CSNK1E: variants seen among roughly 807,000 people sequenced by gnomAD.
CSNK1E encodes casein kinase 1 epsilon, also known as casein kinase I isoform epsilon.
Under a neutral mutation model 46.1 loss-of-function variants are expected in CSNK1E, and 17 were observed. The observed-to-expected ratio is 0.37, with a 90% confidence interval of 0.25 to 0.55. The LOEUF is 0.55. Ranked by LOEUF, CSNK1E falls within the 20% of genes least tolerant of loss-of-function variation. The pLI is 0.82. For missense variants in CSNK1E, 386 were observed against 595.4 expected (o/e 0.65, Z 3.66); for synonymous variants, 241 against 242.6 (o/e 0.99, Z 0.06).
chr22:38,313,816 G>A (rs967340824), intron 2 of CSNK1E, among the ~76,000 whole-genome samples: 13 of 152,204 alleles, frequency 8.5e-5, no homozygotes, highest in African/African-American at 2.4e-4. Flanking sequence ...CAGCTGACCC[G>A]GGACACTGAG....
chr22:38,305,223 G>A (rs1426829567), intron 2 of CSNK1E, among the ~76,000 whole-genome samples: 4 of 149,272 alleles, frequency 2.7e-5, no homozygotes, highest in Non-Finnish European at 1.5e-5. Flanking sequence ...ATTTAAACAC[G>A]AAAGAAAGGA....
rs1555908149 is a variant in CSNK1E at position 38,302,983 on chromosome 22, C to T, written c.214G>A (p.Gly72Arg). The T allele has an allele frequency of 6.2e-7, 1 of 1,614,058 alleles. No individual in the cohort carries two copies. The highest frequency in any genetic ancestry group is 8.5e-7 in the Non-Finnish European group (1 of 1,180,012). ...ATCACGTTGTAGTCGCCCTCAGCTC[C>T]GCACCACTTGATGGACGGGATCCCC... ...GVGIPSIKWC[G>R]AEGDYNVMVM... Residue 72 changes from glycine to arginine, a missense_variant, in exon 4 of 11, where the codon GGA (glycine) becomes AGA (arginine). Coordinates refer to ENST00000396832, the MANE Select transcript of CSNK1E (RefSeq NM_152221.3).
chr22:38,305,841 C>T (rs368680148), intron 2 of CSNK1E, among the ~76,000 whole-genome samples: 2 of 152,234 alleles, frequency 1.3e-5, no homozygotes, highest in East Asian at 1.9e-4. Context: ...GCGTCAACTG[C>T]TGAGTCGCCA....
chr22:38,300,943 T>C lies in CSNK1E; in HGVS notation c.346A>G (p.Ile116Val), dbSNP rs2092668704. The change falls in exon 5 of 11, where the codon ATC (isoleucine) becomes GTC (valine). Residue 116 changes from isoleucine (I) to valine (V), a missense_variant. Transcript: ENST00000396832. The surrounding 1 kb of genome is among the most constrained non-coding windows in gnomAD (Gnocchi z 4.4). ...AAGTTCTTGGAGTGGATATACTCGATGCGGCTGATCTGGGGAGGAGGGGGG... is the reference window on the plus strand; with the variant it reads ...AAGTTCTTGGAGTGGATATACTCGACGCGGCTGATCTGGGGAGGAGGGGGG... ...LLLADQMISR[I>V]EYIHSKNFIH... 6.2e-7 allele frequency: 1 copy of C among 1,613,864 alleles called. No homozygotes were observed.
chr22:38,292,177 G>C (rs1326989583), intron 10 of CSNK1E: 1 of 151,948 alleles, frequency 6.6e-6, no homozygotes, highest in African/African-American at 2.4e-5. Context: ...AGTAGAGATG[G>C]GTTTTCACCA....
chr22:38,311,213 G>A (rs1342709458), intron 2 of CSNK1E, among the ~76,000 whole-genome samples: 2 of 152,112 alleles, frequency 1.3e-5, no homozygotes, highest in African/African-American at 4.8e-5. Flanking sequence ...TACTTTGCAC[G>A]ACCCCATTTT....
At chr22:38,296,682 C>T (rs1272826715) in intron 7 of CSNK1E, 1 of 1,612,002 alleles carries the variant, frequency 6.2e-7, no homozygotes, top group South Asian at 1.1e-5. Context: ...AGAGGTGCTC[C>T]TGGCCTGGTT....
chr22:38,306,113 T>C (rs1307417558), intron 2 of CSNK1E, among the ~76,000 whole-genome samples: 1 of 152,158 alleles, frequency 6.6e-6, no homozygotes. Context: ...ATCTCCAAGA[T>C]ACAGGAAGTG....
At chr22:38,316,598 C>G (rs1479874307) in intron 1 of CSNK1E, 1 of 152,250 alleles carries the variant, frequency 6.6e-6, no homozygotes, top group Non-Finnish European at 1.5e-5. Flanking sequence ...ACAAATAACC[C>G]CCACCCCTTT....
chr22:38,312,405 C>T (rs1460575284), intron 2 of CSNK1E, among the ~76,000 whole-genome samples: 1 of 152,196 alleles, frequency 6.6e-6, no homozygotes, highest in Non-Finnish European at 1.5e-5. Context: ...CGGCATTTTT[C>T]TATTCTGCTG....
chr22:38,316,246 T>C (rs762361781), intron 1 of CSNK1E, among the ~76,000 whole-genome samples: 9 of 152,312 alleles, frequency 5.9e-5, no homozygotes, highest in Non-Finnish European at 1.2e-4. Context: ...CGCCTACCCC[T>C]GAGCCGGGGC....
At chr22:38,301,186 A>G (rs1205946888) in intron 4 of CSNK1E, among the ~76,000 whole-genome samples, 1 of 152,240 alleles carries the variant, frequency 6.6e-6, no homozygotes, top group Non-Finnish European at 1.5e-5. Flanking sequence ...AGAGTATTGC[A>G]GGAAAGCTAA....
chr22:38,301,169 GAGAA>G (rs1052123964), intron 4 of CSNK1E, among the ~76,000 whole-genome samples: 4 of 152,204 alleles, frequency 2.6e-5, no homozygotes, highest in Non-Finnish European at 4.4e-5. Flanking sequence ...CTGTGAGACA[GAGAA>G]AGAGAGTATT....
intron 1 of CSNK1E, among the ~76,000 whole-genome samples, chr22:38,315,896 A>G (rs2092743038): frequency 6.6e-6 from 1 of 152,004 alleles, no homozygotes; most frequent in African/African-American, 2.4e-5. Context: ...CGAGAGCGGG[A>G]AGGGGCAAGC....
At chr22:38,312,261 A>G (rs135762) in intron 2 of CSNK1E, among the ~76,000 whole-genome samples, 138,960 of 152,312 alleles carry the variant, frequency 0.91, 63,461 homozygotes, top group African/African-American at 0.95. Context: ...GCTACTTTTT[A>G]TATTTTTCTT....
Position 38,293,132 on chromosome 22 carries a change from G to T in CSNK1E, c.*32+123C>A. 1.4e-5 allele frequency: 11 copies of T among 802,104 alleles called. No homozygotes were observed. The South Asian group carries it at 1.4e-4, about 10-fold the overall frequency. 49.7% of individuals were successfully genotyped at this position (802,104 alleles called of 1,614,324 possible). On this transcript the variant is annotated intron_variant, in intron 10 of 10. Coordinates refer to ENST00000396832, the MANE Select transcript of CSNK1E (RefSeq NM_152221.3). ...TTGAGGCCCCTTAGAGTTCTGGGGC[G>T]CCTGGTACCATCTGCCACTGCCACT... is the stretch of plus-strand genomic sequence containing the variant.
chr22:38,316,176 TTA>T (rs1430026109), intron 1 of CSNK1E, among the ~76,000 whole-genome samples: 1 of 152,018 alleles, frequency 6.6e-6, no homozygotes, highest in Non-Finnish European at 1.5e-5. Flanking sequence ...GTTAAAAAAA[TTA>T]GACAAACTAC....
chr22:38,293,001 C>G, intron 10 of CSNK1E: 1 of 525,848 alleles, frequency 1.9e-6, no homozygotes. Context: ...GAGACCTGGC[C>G]GAGGGCAGAA....
Position 38,298,259 on chromosome 22 carries a change from G to A in CSNK1E, c.885+527C>T. 32 of 1,269,630 alleles carry A rather than the reference G, an allele frequency of 2.5e-5. No homozygotes were observed. Among genetic ancestry groups the A allele is most frequent in the Non-Finnish European group, 3.3e-5 (32 of 965,418 alleles). The allele number at this position is 1,269,630 out of a possible 1,614,324, so 78.6% of individuals were successfully genotyped here. A position where few individuals can be genotyped will look rare whatever the true frequency, so the allele number is the denominator to read the frequency against. Reference sequence around the variant, plus strand: ...ACAATTTCACAGATTCCAGAGCTCTGGGTACGGCCGGCCAATGCTGCTCCC... The same window carrying A: ...ACAATTTCACAGATTCCAGAGCTCTAGGTACGGCCGGCCAATGCTGCTCCC... On this transcript the variant is annotated intron_variant, in intron 7 of 10. Coordinates refer to ENST00000396832, the MANE Select transcript of CSNK1E (RefSeq NM_152221.3). The surrounding 1 kb of genome is among the most constrained non-coding windows in gnomAD (Gnocchi z 4.2).
Sources: gnomAD v4.1 joint callset for allele counts (sites outside exome capture counted in the v4.1 genomes callset) on GRCh38, gnomAD v4.1.1 for gene constraint, Gnocchi (gnomAD v3.1) non-coding constraint, MANE v1.5 for transcripts, NCBI Gene and HGNC (gene_info 2026-07-23, HGNC 2026-07-21) for gene names.